C5: variants seen among roughly 807,000 people sequenced by gnomAD.
The protein encoded by C5 is complement C5.
In C5, 140 loss-of-function variants were observed where a neutral mutation model predicts 218.8. That is an observed-to-expected ratio of 0.64 (90% CI 0.56 to 0.74). C5 has a LOEUF of 0.74. Among genes scored for constraint, C5 ranks in the 30% least tolerant of loss-of-function variants. The pLI is 0.00. For missense variants in C5, 1,700 were observed against 1,969.6 expected (o/e 0.86, Z 2.59); for synonymous variants, 614 against 682.3 (o/e 0.90, Z 1.56).
Position 121,002,339 on chromosome 9 carries a change from TATAC to T in C5, c.2562+3576_2562+3579del, listed in dbSNP as rs1439874635. On this transcript the variant is annotated intron_variant, in intron 20 of 40. Coordinates refer to ENST00000223642, the MANE Select transcript of C5 (RefSeq NM_001735.3). ...GTGTATATATATATATATATATATA[TATAC>T]ACACATACCTACACAAGCCGATTTT... Among the ~76,000 whole-genome samples the T allele has an allele frequency of 1.5e-3, 176 of 115,422 alleles. 4 individuals carry two copies. Among genetic ancestry groups the T allele is most frequent in the African/African-American group, 6.5e-3 (168 of 26,002 alleles). The allele number at this position is 115,422 out of a possible 152,430, so 75.7% of individuals were successfully genotyped here.
At chr9:120,972,423 C>G (rs375661213) in intron 30 of C5, among the ~76,000 whole-genome samples, 2 of 152,140 alleles carry the variant, frequency 1.3e-5, no homozygotes, top group African/African-American at 4.8e-5. Context: ...AACTTGAAAG[C>G]GGGTGCATCT....
Position 120,989,139 on chromosome 9 carries a change from A to C in C5, c.3155-18T>G. The C allele has an allele frequency of 6.3e-7, 1 of 1,592,086 alleles. No individual in the cohort carries two copies. The highest frequency in any genetic ancestry group is 8.6e-7 in the Non-Finnish European group (1 of 1,159,994). ...CAACATCCCTAAGAAGCACAAGAAA[A>C]AGAACACGGTGCTTAACAGACCTCC... is the stretch of plus-strand genomic sequence containing the variant. On this transcript the variant is annotated intron_variant, in intron 24 of 40. Coordinates refer to ENST00000223642, the MANE Select transcript of C5 (RefSeq NM_001735.3).
At chr9:121,013,180 T>C (rs1280274716) in intron 17 of C5, among the ~76,000 whole-genome samples, 1 of 151,538 alleles carries the variant, frequency 6.6e-6, no homozygotes, top group Non-Finnish European at 1.5e-5. Context: ...ATTAACCAGG[T>C]GTGGTGGCAG....
At chr9:121,016,110 A>G in intron 15 of C5, 144 bp downstream of exon 15, 1 of 1,058,046 alleles carries the variant, frequency 9.5e-7, no homozygotes, top group East Asian at 2.4e-5. Context: ...CTTGAAGGCC[A>G]GTGAAACATT....
intron 39 of C5, among the ~76,000 whole-genome samples, chr9:120,956,309 A>T (rs2046784559): frequency 6.6e-6 from 1 of 152,020 alleles, no homozygotes; most frequent in South Asian, 2.1e-4. Flanking sequence ...AAAAAATGTA[A>T]TCCCATTCAC....
chr9:121,037,273 G>C (rs1410435932), intron 4 of C5, among the ~76,000 whole-genome samples: 2 of 149,328 alleles, frequency 1.3e-5, no homozygotes, highest in Non-Finnish European at 3.0e-5. Flanking sequence ...TCAATTCTTA[G>C]TGATTGGTGG....
chr9:120,960,740 CCAATGT>C (rs1228547193), intron 37 of C5, among the ~76,000 whole-genome samples: 1 of 152,200 alleles, frequency 6.6e-6, no homozygotes, highest in African/African-American at 2.4e-5. Flanking sequence ...AATTCTTCTT[CCAATGT>C]GGCCCACTGA....
At chr9:121,002,288 ATG>A (rs1564146643) in intron 20 of C5, among the ~76,000 whole-genome samples, 4 of 111,654 alleles carry the variant, frequency 3.6e-5, no homozygotes, top group South Asian at 7.5e-4. Context: ...ATACGTATAT[ATG>A]TATATATGTA....
chr9:120,978,314 T>C (rs1442359299), intron 28 of C5, among the ~76,000 whole-genome samples: 3 of 152,240 alleles, frequency 2.0e-5, no homozygotes, highest in African/African-American at 7.2e-5. Context: ...TGTATGTTTA[T>C]AATTCATAAC....
chr9:121,063,008 T>C, the C5 span, among the ~76,000 whole-genome samples: 55,142 of 151,862 alleles, frequency 0.36, 12,430 homozygotes, highest in South Asian at 0.63. Context: ...TGTGGATTAA[T>C]GTGTCTCATC....
intron 21 of C5, among the ~76,000 whole-genome samples, chr9:120,996,930 TTA>T (rs1420461021): frequency 1.3e-5 from 2 of 151,654 alleles, no homozygotes; most frequent in Non-Finnish European, 2.9e-5. Context: ...AATATTAAAA[TTA>T]TATAAAAATA....
chr9:121,016,464 A>T, intron 14 of C5, 81 bp from the exon 15 acceptor site: 1 of 1,554,430 alleles, frequency 6.4e-7, no homozygotes, highest in South Asian at 1.1e-5. Context: ...TAATTGTTAC[A>T]TGGTTATCAC....
chr9:121,004,901 T>G (rs1353998549), intron 20 of C5, among the ~76,000 whole-genome samples: 1 of 152,142 alleles, frequency 6.6e-6, no homozygotes, highest in African/African-American at 2.4e-5. Context: ...AAGTAATAGA[T>G]TGCCATCTTT....
At chr9:120,984,262 A>G (rs765227078) in intron 25 of C5, among the ~76,000 whole-genome samples, 2 of 152,128 alleles carry the variant, frequency 1.3e-5, no homozygotes, top group Non-Finnish European at 1.5e-5. Flanking sequence ...GCCTTTTCCT[A>G]ATTCTTTCTC....
At chr9:120,969,853 G>A (rs1451824339) in intron 32 of C5, among the ~76,000 whole-genome samples, 2 of 152,136 alleles carry the variant, frequency 1.3e-5, no homozygotes, top group Admixed American at 6.6e-5. Context: ...GAAATTCCTG[G>A]TTCTGGAATT....
chr9:121,048,442 T>C (rs549383650), intron 1 of C5, among the ~76,000 whole-genome samples: 1 of 152,328 alleles, frequency 6.6e-6, no homozygotes, highest in East Asian at 1.9e-4. Context: ...GGGATCTAGA[T>C]TGCAAGCTCC....
intron 4 of C5, among the ~76,000 whole-genome samples, chr9:121,035,148 C>CT (rs373335449): frequency 4.6e-5 from 3 of 64,602 alleles, no homozygotes; most frequent in Non-Finnish European, 1.1e-4. Flanking sequence ...AGACTCAACT[C>CT]TCGTTGTACA....
chr9:121,042,858 T>C, intron 3 of C5, 146 bp downstream of exon 3: 1 of 613,862 alleles, frequency 1.6e-6, no homozygotes, highest in African/African-American at 1.8e-5. Flanking sequence ...TATTTGTAAG[T>C]ATAGATGTCT....
chr9:121,023,342 G>A (rs1030840303), intron 10 of C5, 62 bp downstream of exon 10: 36 of 1,063,340 alleles, frequency 3.4e-5, no homozygotes, highest in Non-Finnish European at 5.2e-5. Context: ...CCACCCACAT[G>A]TTTTCCATGA....
Sources: gnomAD v4.1 joint callset for allele counts (sites outside exome capture counted in the v4.1 genomes callset) on GRCh38, gnomAD v4.1.1 for gene constraint, MANE v1.5 for transcripts, NCBI Gene and HGNC (gene_info 2026-07-23, HGNC 2026-07-21) for gene names.